The following DOK1 variants were observed in gnomAD, a reference collection of about 807,000 sequenced individuals.
DOK1 encodes the protein Downstream of tyrosine kinase 1.
In DOK1, 12 loss-of-function variants were observed where a neutral mutation model predicts 24.0. The ratio of observed to expected loss-of-function variants is 0.50; its 90% confidence interval spans 0.32 to 0.81. The LOEUF (loss-of-function observed/expected upper bound fraction) is 0.81, where lower values mean the gene tolerates loss of function less well. Among genes scored for constraint, DOK1 ranks in the 30% least tolerant of loss-of-function variants. The pLI is 0.03. For missense variants in DOK1, 591 were observed against 620.7 expected, an observed-to-expected ratio of 0.95 and a Z score of 0.51; for synonymous variants, 250 against 260.9, an observed-to-expected ratio of 0.96 and a Z score of 0.40.
rs540742079 is a variant in DOK1 at position 74,555,946 on chromosome 2, C to A, written c.507C>A (p.Gly169=). 1 of 1,613,684 alleles carries A rather than the reference C, an allele frequency of 6.2e-7. No homozygotes were observed. Among genetic ancestry groups the A allele is most frequent in the Non-Finnish European group, 8.5e-7 (1 of 1,179,800 alleles). Residue 169 remains glycine, a synonymous_variant, in exon 4 of 5, where the codon GGC becomes GGA. Transcript: ENST00000233668. This position sits in a 1 kb window ranked among gnomAD's most constrained non-coding sequence, Gnocchi z 6.1. ...GGACTGAGGCCGCCGAGCGCTGTGG[C>A]CTGCATGGCTCCTACGTGCTGAGGG... ...VQRTEAAERC[G]LHGSYVLRVE... is the part of the protein sequence containing the mutation.
chr2:74,555,489 A>G lies in DOK1; in HGVS notation c.360+36A>G, dbSNP rs750224774. The G allele has an allele frequency of 2.5e-5, 41 of 1,609,588 alleles. No homozygotes were observed. The highest frequency in any genetic ancestry group is 1.7e-5 in the Non-Finnish European group (20 of 1,178,398). ...GCGGCGATGCGGGGTGGGGGCAGTT[A>G]CAGAGGCAGAGAAATGGGGCTGCCT... is the stretch of plus-strand genomic sequence containing the variant. On this transcript the variant is annotated intron_variant, in intron 2 of 4. Coordinates refer to ENST00000233668, the MANE Select transcript of DOK1 (RefSeq NM_001381.5). The surrounding 1 kb of genome is among the most constrained non-coding windows in gnomAD (Gnocchi z 6.1).
At chr2:74,552,250 C>A, upstream of DOK1, 2 of 1,420,698 alleles carry the variant, frequency 1.4e-6, no homozygotes, top group Non-Finnish European at 1.9e-6. Flanking sequence ...GCTGTGCCAT[C>A]CTCGTGTTCC....
At chr2:74,550,113 C>T, upstream of DOK1, 3 of 1,522,156 alleles carry the variant, frequency 2.0e-6, no homozygotes, top group African/African-American at 1.4e-5. Context: ...CTTCTAATGT[C>T]TCCGCTAACC....
upstream of DOK1, chr2:74,550,468 T>C (rs1676933148): frequency 5.4e-6 from 6 of 1,113,918 alleles, no homozygotes; most frequent in Non-Finnish European, 7.7e-6. Context: ...CCCATCTTTC[T>C]GGTATGATAA....
chr2:74,549,137 A>G lies in DOK1; in HGVS notation c.-393A>G. ...CCGCCTGCCCGCCCAGGCGTCGGCCACGAGAGAGCGGGAGCCTCGCTGGTC... is the reference window on the plus strand; with the variant it reads ...CCGCCTGCCCGCCCAGGCGTCGGCCGCGAGAGAGCGGGAGCCTCGCTGGTC... On this transcript the variant is annotated 5_prime_UTR_variant, in exon 1 of 5. Transcript: ENST00000409429. The surrounding 1 kb of genome is among the most constrained non-coding windows in gnomAD (Gnocchi z 5.3). 2.5e-6 allele frequency: 1 copy of G among 406,904 alleles called. No homozygotes were observed. The allele number at this position is 406,904 out of a possible 1,614,324, so 25.2% of individuals were successfully genotyped here.
At chr2:74,550,163 T>A (rs754834564), upstream of DOK1, 6 of 1,607,356 alleles carry the variant, frequency 3.7e-6, no homozygotes, top group South Asian at 5.6e-5. Flanking sequence ...AGTGTGTGTG[T>A]GTATGTCTAG....
At chr2:74,552,518 G>A (rs555634716), upstream of DOK1, 33 of 1,613,500 alleles carry the variant, frequency 2.0e-5, no homozygotes, top group African/African-American at 3.9e-4. Flanking sequence ...GAAGCCCCTG[G>A]CTCCCGGCCT....
chr2:74,549,251 G>A lies in DOK1; in HGVS notation c.-358+79G>A, dbSNP rs1337369875. ...TTTGCAACGGCCTCCATATTTTCCC[G>A]CGCGTCCCGACCCCCGGGTCCTCCC... On this transcript the variant is annotated intron_variant, in intron 1 of 4. Transcript: ENST00000409429. The surrounding 1 kb of genome is among the most constrained non-coding windows in gnomAD (Gnocchi z 5.3). 3 of 1,189,056 alleles carry A rather than the reference G, an allele frequency of 2.5e-6. No individual in the cohort carries two copies. Among genetic ancestry groups the A allele is most frequent in the African/African-American group, 3.1e-5 (2 of 64,358 alleles). The allele number at this position is 1,189,056 out of a possible 1,614,324, so 73.7% of individuals were successfully genotyped here.
Position 74,555,185 on chromosome 2 carries a change from C to T in DOK1, c.92C>T (p.Pro31Leu), listed in dbSNP as rs202112164. The T allele has an allele frequency of 2.5e-6, 4 of 1,613,178 alleles. No homozygotes were observed. The highest frequency in any genetic ancestry group is 3.4e-6 in the Non-Finnish European group (4 of 1,179,950). Residue 31 changes from proline to leucine, a missense_variant, in exon 2 of 5, where the codon CCG becomes CTG. Pro to Leu is a moderately conservative substitution (Grantham distance 98). Coordinates refer to ENST00000233668, the MANE Select transcript of DOK1 (RefSeq NM_001381.5). The surrounding 1 kb of genome is among the most constrained non-coding windows in gnomAD (Gnocchi z 6.1). ...RWRKTWAVLY[P>L]ASPHGVARLE... ...AGGAAGACCTGGGCCGTGCTCTACC[C>T]GGCCAGTCCCCACGGCGTAGCGCGG... is the stretch of plus-strand genomic sequence containing the variant.
chr2:74,550,514 T>C (rs571877710), upstream of DOK1, among the ~76,000 whole-genome samples: 1 of 151,952 alleles, frequency 6.6e-6, no homozygotes. Flanking sequence ...TGGCAGGGAA[T>C]AGGAAGGGGG....
Position 74,554,758 on chromosome 2 carries a change from GA to G in DOK1, c.5del (p.Asp2AlafsTer4). The G allele has an allele frequency of 6.2e-7, 1 of 1,613,770 alleles. No homozygotes were observed. Among genetic ancestry groups the G allele is most frequent in the South Asian group, 1.1e-5 (1 of 91,068 alleles). On this transcript the variant is annotated frameshift_variant, in exon 1 of 5. Transcript: ENST00000233668. LOFTEE classifies it high-confidence loss of function. This position sits in a 1 kb window ranked among gnomAD's most constrained non-coding sequence, Gnocchi z 4.9. M[D>X]GAVMEGPLFL... is the part of the protein sequence containing the mutation. ...GCGGAAGGAACCGCCGGGGGCCATG[GA>G]CGGAGCAGTGATGGAAGGGCCGCTT...
Position 74,554,760 on chromosome 2 carries a change from C to T in DOK1, c.6C>T (p.Asp2=), listed in dbSNP as rs868513708. 1 of 1,613,774 alleles carries T rather than the reference C, an allele frequency of 6.2e-7. No homozygotes were observed. Among genetic ancestry groups the T allele is most frequent in the South Asian group, 1.1e-5 (1 of 91,054 alleles). M[D]GAVMEGPLFL... ...GGAAGGAACCGCCGGGGGCCATGGA[C>T]GGAGCAGTGATGGAAGGGCCGCTTT... is the stretch of plus-strand genomic sequence containing the variant. The change falls in exon 1 of 5, where the codon GAC becomes GAT. Residue 2 remains aspartate, a synonymous_variant. Transcript: ENST00000233668. This position sits in a 1 kb window ranked among gnomAD's most constrained non-coding sequence, Gnocchi z 4.9.
upstream of DOK1, among the ~76,000 whole-genome samples, chr2:74,550,913 T>A (rs1667300388): frequency 1.3e-5 from 2 of 151,936 alleles, no homozygotes; most frequent in Non-Finnish European, 1.5e-5. Flanking sequence ...AGCCCCTTGT[T>A]CTTCTCTCTG....
In DOK1 at chr2:74,549,310, T is replaced by C. The variant is rs747208988; in HGVS notation, c.-358+138T>C. The C allele has an allele frequency of 2.1e-4, 309 of 1,494,142 alleles. No homozygotes were observed. The highest frequency in any genetic ancestry group is 2.7e-4 in the Non-Finnish European group (298 of 1,116,410). 92.6% of individuals were successfully genotyped at this position (1,494,142 alleles called of 1,614,324 possible). A position where few individuals can be genotyped will look rare whatever the true frequency, so the allele number is the denominator to read the frequency against. Reference sequence around the variant, plus strand: ...GACCTGCTCAGATGTCTCCCAAGGCTATTCATCAGGGAGCACCCCAATCCC... The same window carrying C: ...GACCTGCTCAGATGTCTCCCAAGGCCATTCATCAGGGAGCACCCCAATCCC... On this transcript the variant is annotated intron_variant, in intron 1 of 4. Coordinates refer to the DOK1 transcript ENST00000409429. This position sits in a 1 kb window ranked among gnomAD's most constrained non-coding sequence, Gnocchi z 5.3.
chr2:74,549,743 T>C (rs1447306391), upstream of DOK1: 6 of 1,440,130 alleles, frequency 4.2e-6, no homozygotes, highest in Non-Finnish European at 9.1e-7. The surrounding 1 kb of genome is among the most constrained non-coding windows in gnomAD (Gnocchi z 5.3). Context: ...CAGTCCGCGG[T>C]GTGGACTCTC....
At position 74,557,080 on chromosome 2, in the gene DOK1, A is replaced by C. The variant is rs146608143; in HGVS notation, c.1412A>C (p.Asp471Ala). 398 of 1,613,316 alleles carry C rather than the reference A, an allele frequency of 2.5e-4. 3 individuals are homozygous for C. In the East Asian group the frequency reaches 5.8e-3, roughly 24 times the overall value. ...WDCGLSRVGT[D>A]KTGVKSEGST The stretch of plus-strand genomic sequence containing the variant: ...TGTGGGCTCTCTAGAGTAGGGACTG[A>C]CAAGACTGGGGTCAAGTCAGAGGGC... Residue 471 changes from aspartate to alanine, a missense_variant, in exon 5 of 5, where the codon GAC becomes GCC. Coordinates refer to ENST00000233668, the MANE Select transcript of DOK1 (RefSeq NM_001381.5).
chr2:74,550,048 T>C (rs1324402037), upstream of DOK1: 7 of 1,476,238 alleles, frequency 4.7e-6, no homozygotes, highest in South Asian at 8.6e-5. Context: ...GGGAGCTCTA[T>C]CATTTGCTTT....
upstream of DOK1, chr2:74,549,839 G>C: frequency 1.0e-6 from 1 of 985,430 alleles, no homozygotes; most frequent in Non-Finnish European, 1.2e-6. The surrounding 1 kb of genome is among the most constrained non-coding windows in gnomAD (Gnocchi z 5.3). Flanking sequence ...GCCTGGAGCA[G>C]GAGGGAGCAC....
upstream of DOK1, among the ~76,000 whole-genome samples, chr2:74,551,057 C>G (rs1329440128): frequency 6.6e-6 from 1 of 152,106 alleles, no homozygotes; most frequent in Non-Finnish European, 1.5e-5. Context: ...CTTAGCCTCC[C>G]AAGTAGCTGG....
Sources: gnomAD v4.1 joint callset for allele counts (sites outside exome capture counted in the v4.1 genomes callset) on GRCh38, gnomAD v4.1.1 for gene constraint, Gnocchi (gnomAD v3.1) non-coding constraint, MANE v1.5 for transcripts, NCBI Gene and HGNC (gene_info 2026-07-23, HGNC 2026-07-21) for gene names.